Variants in GAS7 observed in about 807,000 individuals in gnomAD.
GAS7 encodes growth arrest-specific protein 7.
GAS7 carries 28 observed loss-of-function variants against 71.1 expected under a neutral mutation model. The ratio of observed to expected loss-of-function variants is 0.39; its 90% confidence interval spans 0.29 to 0.54. GAS7 has a LOEUF of 0.54. Ranked by LOEUF, GAS7 falls within the 20% of genes least tolerant of loss-of-function variation. GAS7 has a pLI of 0.62. For synonymous variants in GAS7, 258 were observed against 245.8 expected (o/e 1.05, Z -0.46); for missense variants, 436 against 627.8 (o/e 0.69, Z 3.27).
chr17:9,970,212 C>T (rs1457763631), intron 3 of GAS7, among the ~76,000 whole-genome samples: 5 of 152,230 alleles, frequency 3.3e-5, no homozygotes, highest in East Asian at 1.9e-4. Flanking sequence ...CTCAGAGCAG[C>T]GGAGTGTGAA....
intron 2 of GAS7, among the ~76,000 whole-genome samples, chr17:9,986,495 G>T (rs151087997): frequency 2.9e-3 from 440 of 152,228 alleles, no homozygotes; most frequent in African/African-American, 0.01. Flanking sequence ...GCTGGTCCCC[G>T]TTCCTCTCCC....
intron 1 of GAS7, among the ~76,000 whole-genome samples, chr17:10,135,452 G>A (rs1177517137): frequency 6.6e-6 from 1 of 152,166 alleles, no homozygotes; most frequent in Admixed American, 6.6e-5. Flanking sequence ...TGCTCAGACT[G>A]GCTCTTCACC....
intron 1 of GAS7, among the ~76,000 whole-genome samples, chr17:10,158,736 T>C (rs981316771): frequency 2.6e-5 from 4 of 151,858 alleles, no homozygotes; most frequent in African/African-American, 7.3e-5. Context: ...TTTTTCATAA[T>C]AAAATTCTGA....
chr17:10,031,509 G>A (rs1279950299), intron 1 of GAS7, among the ~76,000 whole-genome samples: 2 of 152,234 alleles, frequency 1.3e-5, no homozygotes, highest in African/African-American at 4.8e-5. Context: ...TGGGTCAGAA[G>A]TCATGTCACA....
At chr17:10,158,346 A>AC (rs1452164148) in intron 1 of GAS7, among the ~76,000 whole-genome samples, 1 of 147,196 alleles carries the variant, frequency 6.8e-6, no homozygotes, top group African/African-American at 2.5e-5. Context: ...TAAAAAAAAA[A>AC]AAAAAAAAAA....
intron 1 of GAS7, among the ~76,000 whole-genome samples, chr17:10,106,799 T>G (rs1468084718): frequency 6.6e-6 from 1 of 151,698 alleles, no homozygotes; most frequent in Non-Finnish European, 1.5e-5. Context: ...CCCAAATATA[T>G]TAATATCTTA....
intron 1 of GAS7, among the ~76,000 whole-genome samples, chr17:10,193,216 C>T (rs886289492): frequency 2.1e-5 from 3 of 143,172 alleles, no homozygotes; most frequent in Non-Finnish European, 4.5e-5. Context: ...CAAATTCCAG[C>T]TGCATCGTTT....
intron 5 of GAS7, among the ~76,000 whole-genome samples, chr17:9,947,188 A>G (rs2068819992): frequency 6.6e-6 from 1 of 152,064 alleles, no homozygotes; most frequent in Admixed American, 6.6e-5. Context: ...AACCAGTACC[A>G]CCTCTCTAGA....
chr17:9,981,710 C>A lies in GAS7; in HGVS notation c.385+94G>T, dbSNP rs573160006. 22 of 756,446 alleles carry A rather than the reference C, an allele frequency of 2.9e-5. No homozygotes were observed. The African/African-American group carries it at 3.6e-4, about 13-fold the overall frequency. The allele number at this position is 756,446 out of a possible 1,614,324, so 46.9% of individuals were successfully genotyped here. On this transcript the variant is annotated intron_variant, in intron 3 of 13. Transcript: ENST00000432992. The surrounding 1 kb of genome is among the most constrained non-coding windows in gnomAD (Gnocchi z 4.4). The stretch of plus-strand genomic sequence containing the variant: ...CCCTCCCTGGGTTTGCTACATCAGC[C>A]AGGTTTAAGACCCAGGACCCATCAT...
At chr17:10,143,952 T>C (rs1354701778) in intron 1 of GAS7, among the ~76,000 whole-genome samples, 2 of 152,168 alleles carry the variant, frequency 1.3e-5, no homozygotes, top group African/African-American at 4.8e-5. Context: ...GGGCTTAAGG[T>C]AGGCCCATCC....
At chr17:10,079,721 A>G (rs1449169671) in intron 1 of GAS7, among the ~76,000 whole-genome samples, 3 of 152,180 alleles carry the variant, frequency 2.0e-5, no homozygotes, top group Admixed American at 6.5e-5. Flanking sequence ...CGCCCTGACC[A>G]CCTTGGCCAC....
In GAS7 at chr17:10,051,598, C is replaced by T. The variant is rs574759407; in HGVS notation, c.184-31701G>A. Among the ~76,000 whole-genome samples the T allele has an allele frequency of 2.0e-5, 3 of 152,262 alleles. No homozygotes were observed. The East Asian group carries it at 5.8e-4, about 29-fold the overall frequency. On this transcript the variant is annotated intron_variant, in intron 1 of 13. Coordinates refer to ENST00000432992, the MANE Select transcript of GAS7 (RefSeq NM_201433.2). ...TAAAACTCACAGGGCGGAGAACACA[C>T]GCAAGTCCACGAGGGCTACAACCAT... is the stretch of plus-strand genomic sequence containing the variant.
intron 1 of GAS7, among the ~76,000 whole-genome samples, chr17:10,040,474 A>C (rs1391677300): frequency 6.6e-6 from 1 of 152,204 alleles, no homozygotes; most frequent in East Asian, 1.9e-4. Context: ...AGAAGTCACA[A>C]TCAGGGCTGT....
chr17:10,033,347 G>A (rs186998360), intron 1 of GAS7, among the ~76,000 whole-genome samples: 1 of 152,250 alleles, frequency 6.6e-6, no homozygotes, highest in East Asian at 1.9e-4. Context: ...GAGAGAGACA[G>A]AGAGACTATC....
At chr17:9,920,515 A>G (rs1037313424) in intron 11 of GAS7, among the ~76,000 whole-genome samples, 1 of 152,268 alleles carries the variant, frequency 6.6e-6, no homozygotes, top group Non-Finnish European at 1.5e-5. Context: ...TAAGCGTACC[A>G]GCACCTTGGA....
chr17:10,164,367 G>A (rs1174873918), intron 1 of GAS7, among the ~76,000 whole-genome samples: 4 of 151,490 alleles, frequency 2.6e-5, no homozygotes, highest in Admixed American at 6.6e-5. Context: ...GCTTGAACCC[G>A]GGAGGCAGAG....
At chr17:10,070,569 C>T (rs909235441) in intron 1 of GAS7, among the ~76,000 whole-genome samples, 23 of 151,628 alleles carry the variant, frequency 1.5e-4, no homozygotes, top group Admixed American at 1.3e-3. Flanking sequence ...TCACCATGTT[C>T]GCCAGGCTGG....
At chr17:10,108,941 A>G (rs2073784669) in intron 1 of GAS7, among the ~76,000 whole-genome samples, 1 of 152,184 alleles carries the variant, frequency 6.6e-6, no homozygotes, top group Non-Finnish European at 1.5e-5. Context: ...CCTCAAAAGC[A>G]CAGACAACAA....
At chr17:10,020,854 A>G (rs1224807184) in intron 1 of GAS7, among the ~76,000 whole-genome samples, 1 of 152,198 alleles carries the variant, frequency 6.6e-6, no homozygotes, top group East Asian at 1.9e-4. Flanking sequence ...CGGAGGTTGC[A>G]GTGAGCAGAG....
Sources: gnomAD v4.1 joint callset for allele counts (sites outside exome capture counted in the v4.1 genomes callset) on GRCh38, gnomAD v4.1.1 for gene constraint, Gnocchi (gnomAD v3.1) non-coding constraint, MANE v1.5 for transcripts, NCBI Gene and HGNC (gene_info 2026-07-23, HGNC 2026-07-21) for gene names.